Variants in CSMD2 observed in about 807,000 individuals in gnomAD.
CSMD2 encodes CUB and Sushi multiple domains 2.
A neutral mutation model predicts 398.5 loss-of-function variants in CSMD2; 130 were observed. That is an observed-to-expected ratio of 0.33 (90% confidence interval 0.28 to 0.38). The LOEUF (loss-of-function observed/expected upper bound fraction) is 0.38. CSMD2 is among the 10% of genes least tolerant of loss of function. CSMD2 has a pLI of 1.00. For missense variants in CSMD2, 3,829 were observed against 4,764.9 expected, an observed-to-expected ratio of 0.80 and a Z score of 5.78; for synonymous variants, 1,828 against 1,908.5, an observed-to-expected ratio of 0.96 and a Z score of 1.10.
intron 13 of CSMD2, among the ~76,000 whole-genome samples, chr1:33,754,093 T>A (rs1352538300): frequency 4.6e-5 from 7 of 152,286 alleles, no homozygotes; most frequent in Non-Finnish European, 7.4e-5. Context: ...TATTTTACAA[T>A]GTGAAAAGGA....
In CSMD2 at chr1:33,600,889, C is replaced by T. The variant is rs763469967; in HGVS notation, c.6832G>A (p.Gly2278Arg). The change falls in exon 44 of 71, where the codon GGG (glycine) becomes AGG (arginine). Residue 2278 changes from glycine (G) to arginine (R), a missense_variant. Around this residue, in one of 5 missense-constraint regions of CSMD2, gnomAD observed 723 missense variants for 758.6 expected, o/e 0.95. Coordinates refer to ENST00000373381, the MANE Select transcript of CSMD2 (RefSeq NM_001281956.2). ...CCGGAGAAAGCTATGGCGAAGATCC[C>T]CCCTGTGGCTGCATCACGGTGGAAC... The part of the protein sequence containing the change: ...LKFHRDAATG[G>R]IFAIAFSAYP... 1.8e-5 allele frequency: 29 copies of T among 1,614,130 alleles called. No individual in the cohort carries two copies. The highest frequency in any genetic ancestry group is 2.4e-5 in the Non-Finnish European group (28 of 1,180,024).
intron 1 of CSMD2, among the ~76,000 whole-genome samples, chr1:34,117,924 C>T (rs1299937274): frequency 6.6e-6 from 1 of 152,076 alleles, no homozygotes; most frequent in Non-Finnish European, 1.5e-5. Flanking sequence ...AAAGAAAAAA[C>T]ACTCAGCCAG....
At chr1:34,084,457 A>G (rs1370271340) in intron 2 of CSMD2, among the ~76,000 whole-genome samples, 2 of 152,254 alleles carry the variant, frequency 1.3e-5, no homozygotes, top group Non-Finnish European at 2.9e-5. Context: ...ACAGAATGGG[A>G]GAAAAATTTT....
At chr1:33,678,313 TAAAA>T (rs5773424) in intron 25 of CSMD2, among the ~76,000 whole-genome samples, 2 of 140,936 alleles carry the variant, frequency 1.4e-5, no homozygotes, top group Admixed American at 7.1e-5. Context: ...CTTTATAAAT[TAAAA>T]AAAAAAAAAA....
rs773617377 is a variant in CSMD2, at chr1:33,519,319, G to A, written c.*53+146C>T. ...CCACAAAGGGCCTGGTTCAGTGCCTGTTACACAATGATGCTCAATGCACAG... is the reference window on the plus strand; with the variant it reads ...CCACAAAGGGCCTGGTTCAGTGCCTATTACACAATGATGCTCAATGCACAG... On this transcript the variant is annotated intron_variant, in intron 70 of 70. Coordinates refer to ENST00000373381, the MANE Select transcript of CSMD2 (RefSeq NM_001281956.2). This position sits in a 1 kb window ranked among gnomAD's most constrained non-coding sequence, Gnocchi z 5.6. 14 of 597,134 alleles carry A rather than the reference G, an allele frequency of 2.3e-5. No homozygotes were observed. The highest frequency in any genetic ancestry group is 3.6e-5 in the Non-Finnish European group (12 of 336,272). 37.0% of individuals were successfully genotyped at this position (597,134 alleles called of 1,614,324 possible).
intron 5 of CSMD2, among the ~76,000 whole-genome samples, chr1:33,911,517 C>G (rs1038920528): frequency 1.3e-5 from 2 of 151,978 alleles, no homozygotes; most frequent in African/African-American, 4.8e-5. Context: ...GCAGAGTAGA[C>G]AGTTTTTGTA....
intron 53 of CSMD2, among the ~76,000 whole-genome samples, chr1:33,561,695 G>T (rs967084801): frequency 4.6e-5 from 7 of 152,186 alleles, no homozygotes; most frequent in African/African-American, 1.7e-4. Context: ...CCCTCCTCTG[G>T]GGAGAGAGTG....
intron 15 of CSMD2, among the ~76,000 whole-genome samples, chr1:33,727,816 A>G (rs539171509): frequency 6.6e-6 from 1 of 152,206 alleles, no homozygotes; most frequent in South Asian, 2.1e-4. Flanking sequence ...TTGTAAGTTA[A>G]CACCGTGTAG....
At chr1:33,656,647 T>G (rs1238501170) in intron 27 of CSMD2, among the ~76,000 whole-genome samples, 3 of 152,234 alleles carry the variant, frequency 2.0e-5, no homozygotes, top group African/African-American at 7.2e-5. Flanking sequence ...TACACCCATC[T>G]CCAGCAGGGG....
intron 26 of CSMD2, among the ~76,000 whole-genome samples, chr1:33,660,626 G>A (rs1644099423): frequency 6.6e-6 from 1 of 152,206 alleles, no homozygotes; most frequent in South Asian, 2.1e-4. Context: ...CCTTGGTTAT[G>A]CCCATAACAC....
intron 36 of CSMD2, 132 bp downstream of exon 36, chr1:33,623,238 G>A (rs982119092): frequency 3.0e-6 from 2 of 674,908 alleles, no homozygotes; most frequent in African/African-American, 3.6e-5. Context: ...AACCACTGAT[G>A]TGTCCACTTG....
chr1:33,914,837 GT>G (rs911013633), intron 5 of CSMD2, among the ~76,000 whole-genome samples: 2 of 152,210 alleles, frequency 1.3e-5, no homozygotes, highest in African/African-American at 4.8e-5. Context: ...TCCTGCCACA[GT>G]TTTGGCTTTG....
rs1462166029 is a variant in CSMD2, at chr1:33,635,637, G to A, written c.4970-307C>T. 6.6e-6 allele frequency among the ~76,000 whole-genome samples: 1 copy of A among 152,184 alleles called. No homozygotes were observed. The highest frequency in any genetic ancestry group is 1.5e-5 in the Non-Finnish European group (1 of 68,024). On this transcript the variant is annotated intron_variant, in intron 30 of 70. Transcript: ENST00000373381. This position sits in a 1 kb window ranked among gnomAD's most constrained non-coding sequence, Gnocchi z 5.0. ...AGTCACAGCCTTAGGGAGCACATTA[G>A]GAACCTCTTCTGCTTACACGTGGAG...
chr1:33,540,273 A>C (rs1470662435), intron 60 of CSMD2, among the ~76,000 whole-genome samples: 5 of 151,400 alleles, frequency 3.3e-5, no homozygotes, highest in Admixed American at 6.6e-5. Flanking sequence ...TAAAAAAAAA[A>C]ACACCCCCAA....
chr1:33,652,587 G>T, intron 27 of CSMD2, 126 bp from the exon 28 acceptor site: 1 of 1,028,140 alleles, frequency 9.7e-7, no homozygotes, highest in Non-Finnish European at 1.4e-6. Flanking sequence ...ACCTGGCTTA[G>T]GGACTCAGGA....
Position 33,600,917 on chromosome 1 carries a change from G to C in CSMD2, c.6804C>G (p.Leu2268=). The C allele has an allele frequency of 6.2e-7, 1 of 1,614,168 alleles. No individual in the cohort carries two copies. Among genetic ancestry groups the C allele is most frequent in the Non-Finnish European group, 8.5e-7 (1 of 1,180,034 alleles). ...TVQSSSNQVL[L]KFHRDAATGG... ...CTGTGGCTGCATCACGGTGGAACTT[G>C]AGCAGGACCTGGTTGGATGAACTCT... The change falls in exon 44 of 71, where the codon CTC becomes CTG. Residue 2268 remains leucine (L), a synonymous_variant. Transcript: ENST00000373381.
intron 55 of CSMD2, among the ~76,000 whole-genome samples, chr1:33,554,515 G>A (rs1028867926): frequency 1.3e-5 from 2 of 152,018 alleles, no homozygotes; most frequent in African/African-American, 4.8e-5. Flanking sequence ...ATGCCATCCA[G>A]GACTTTCATA....
At chr1:33,885,438 A>G (rs989224030) in intron 5 of CSMD2, 3 of 152,156 alleles carry the variant, frequency 2.0e-5, no homozygotes, top group African/African-American at 4.8e-5. Context: ...TGTGAATTCA[A>G]TTTGGTTCAA....
At chr1:33,949,138 T>C (rs531857670) in intron 3 of CSMD2, among the ~76,000 whole-genome samples, 1 of 152,326 alleles carries the variant, frequency 6.6e-6, no homozygotes, top group Admixed American at 6.5e-5. Context: ...ATGGGGGTAA[T>C]AATCGCACCC....
Sources: allele counts gnomAD v4.1 joint callset (sites outside exome capture counted in the v4.1 genomes callset), GRCh38; gene constraint gnomAD v4.1.1; regional missense constraint gnomAD v4.1.1; non-coding constraint Gnocchi (gnomAD v3.1); transcripts MANE v1.5; gene names NCBI Gene and HGNC (gene_info 2026-07-23, HGNC 2026-07-21).